ACSS2: variants seen among roughly 807,000 people sequenced by gnomAD.
The protein encoded by ACSS2 is acetyl-coenzyme A synthetase, cytoplasmic.
ACSS2 carries 58 observed loss-of-function variants against 90.6 expected under a neutral mutation model. The observed-to-expected ratio is 0.64, with a 90% CI of 0.52 to 0.80. The LOEUF (loss-of-function observed/expected upper bound fraction) is 0.80, where lower values mean the gene tolerates loss of function less well. ACSS2 is among the 30% of genes least tolerant of loss of function. The pLI is 0.00. For synonymous variants in ACSS2, 300 were observed against 330.9 expected (o/e 0.91, Z 1.01); for missense variants, 759 against 912.0 (o/e 0.83, Z 2.16).
intron 2 of ACSS2, among the ~76,000 whole-genome samples, chr20:34,904,904 C>A (rs1357268720): frequency 8.0e-5 from 10 of 125,090 alleles, no homozygotes; most frequent in Non-Finnish European, 1.6e-5. Context: ...AGTGTTTAAA[C>A]CTTTTTTTTT....
At position 34,876,703 on chromosome 20, in the gene ACSS2, G is replaced by A. The variant is rs921573601; in HGVS notation, c.58G>A (p.Ala20Thr). 41 of 1,442,320 alleles carry A rather than the reference G, an allele frequency of 2.8e-5. No individual in the cohort carries two copies. Among genetic ancestry groups the A allele is most frequent in the Non-Finnish European group, 3.5e-5 (38 of 1,090,166 alleles). 89.3% of individuals were successfully genotyped at this position (1,442,320 alleles called of 1,614,324 possible). ...CAGCGGGAGCCGGGGCCAGGAGGAA[G>A]CTGGAGCCGGAGGCCGGGCGCGGAG... is the stretch of plus-strand genomic sequence containing the variant. The part of the protein sequence containing the change: ...SGSGSRGQEE[A>T]GAGGRARSWS... Residue 20 changes from alanine to threonine, a missense_variant, in exon 1 of 18, where the codon GCT (alanine) becomes ACT (threonine). By Grantham distance (58) the Ala-to-Thr change is moderately conservative (BLOSUM62 0). Transcript: ENST00000360596.
chr20:34,907,877 C>T (rs552963181), intron 2 of ACSS2, among the ~76,000 whole-genome samples: 38 of 152,316 alleles, frequency 2.5e-4, no homozygotes, highest in African/African-American at 8.7e-4. Flanking sequence ...CCTACTGACT[C>T]ATCGAGCCAG....
At chr20:34,914,047 A>G (rs1432705638) in intron 5 of ACSS2, 49 bp from the exon 6 acceptor site, 2 of 1,595,582 alleles carry the variant, frequency 1.3e-6, no homozygotes, top group Non-Finnish European at 1.7e-6. Flanking sequence ...TGTGCCCACT[A>G]GGCAGCATGG....
chr20:34,917,936 A>G (rs2081110361), intron 7 of ACSS2, among the ~76,000 whole-genome samples: 2 of 152,070 alleles, frequency 1.3e-5, no homozygotes, highest in Admixed American at 6.6e-5. Context: ...TATTTTTAGT[A>G]GAGATGAGGT....
chr20:34,926,866 GT>G lies in ACSS2; in HGVS notation c.1904-9del. On this transcript the variant is annotated splice_polypyrimidine_tract_variant and intron_variant, in intron 16 of 17. Transcript: ENST00000360596. ...GTGCTGAAGAAATGCTTGATGATTT[GT>G]TGGTTACAGTTAGAGAAAAGATTGG... is the stretch of plus-strand genomic sequence containing the variant. The G allele has an allele frequency of 6.2e-7, 1 of 1,614,068 alleles. No individual in the cohort carries two copies. The highest frequency in any genetic ancestry group is 8.5e-7 in the Non-Finnish European group (1 of 1,179,946).
Position 34,913,528 on chromosome 20 carries a change from C to CG in ACSS2, c.570+39dup, listed in dbSNP as rs753929913. 139 of 1,144,052 alleles carry CG rather than the reference C, an allele frequency of 1.2e-4. 1 individual carries two copies. Among genetic ancestry groups the CG allele is most frequent in the Middle Eastern group, 4.1e-4 (2 of 4,934 alleles). The allele number at this position is 1,144,052 out of a possible 1,614,324, so 70.9% of individuals were successfully genotyped here. A position where few individuals can be genotyped will look rare whatever the true frequency, so the allele number is the denominator to read the frequency against. On this transcript the variant is annotated intron_variant, in intron 4 of 17. Coordinates refer to ENST00000360596, the MANE Select transcript of ACSS2 (RefSeq NM_018677.4). ...GTTTGGGCTGGTGAAAAGGGGCAGG[C>CG]GGGGGGGTGGGGCTCTGGAGAAGTA... is the stretch of plus-strand genomic sequence containing the variant.
chr20:34,897,047 A>C (rs1419941346), intron 2 of ACSS2, among the ~76,000 whole-genome samples: 1 of 151,708 alleles, frequency 6.6e-6, no homozygotes, highest in Non-Finnish European at 1.5e-5. Context: ...AAAAAAAAAA[A>C]TAGAAAGAGG....
intron 2 of ACSS2, among the ~76,000 whole-genome samples, chr20:34,908,235 C>T (rs993011109): frequency 6.6e-6 from 1 of 152,150 alleles, no homozygotes; most frequent in African/African-American, 2.4e-5. Flanking sequence ...CCTGAACTTG[C>T]CAAGGGAAAC....
In ACSS2 at chr20:34,914,099, C is replaced by G; in HGVS notation, c.647C>G (p.Ala216Gly). The change falls in exon 6 of 18, where the codon GCC becomes GGC. Residue 216 changes from alanine to glycine, a missense_variant. By Grantham distance (60) the Ala-to-Gly change is moderately conservative. Transcript: ENST00000360596. ...SSCSLLITTD[A>G]FYRGEKLVNL... ...GAATGTCTGTTGCTCCCCAAAGATGCCTTCTACAGGGGGGAAAAGCTTGTG... is the reference window on the plus strand; with the variant it reads ...GAATGTCTGTTGCTCCCCAAAGATGGCTTCTACAGGGGGGAAAAGCTTGTG... 6.2e-7 allele frequency: 1 copy of G among 1,614,088 alleles called. No individual in the cohort carries two copies. Among genetic ancestry groups the G allele is most frequent in the Non-Finnish European group, 8.5e-7 (1 of 1,179,986 alleles).
chr20:34,895,047 G>A (rs1008562660), intron 2 of ACSS2, among the ~76,000 whole-genome samples: 5 of 151,996 alleles, frequency 3.3e-5, no homozygotes, highest in Admixed American at 6.6e-5. Flanking sequence ...GATGTTGGGG[G>A]GAGGGACAAA....
At chr20:34,887,753 A>G (rs1023150702) in intron 2 of ACSS2, among the ~76,000 whole-genome samples, 1 of 151,484 alleles carries the variant, frequency 6.6e-6, no homozygotes, top group Non-Finnish European at 1.5e-5. Context: ...AAAACAAAAT[A>G]AAACAAAACA....
intron 2 of ACSS2, among the ~76,000 whole-genome samples, chr20:34,902,073 A>C (rs2080674704): frequency 1.3e-5 from 2 of 148,300 alleles, no homozygotes; most frequent in Non-Finnish European, 3.0e-5. Context: ...TAGATTTTCC[A>C]TTTATAGTTA....
intron 2 of ACSS2, among the ~76,000 whole-genome samples, chr20:34,911,860 G>A (rs993702887): frequency 2.6e-5 from 4 of 151,454 alleles, no homozygotes; most frequent in Admixed American, 6.6e-5. Context: ...TTACTCTGTC[G>A]CCCAGGCTGG....
intron 7 of ACSS2, 31 bp from the exon 8 acceptor site, chr20:34,919,404 G>C: frequency 6.2e-7 from 1 of 1,613,032 alleles, no homozygotes; most frequent in Non-Finnish European, 8.5e-7. Flanking sequence ...ATCTTGAGCT[G>C]TTCACAGTTC....
intron 2 of ACSS2, among the ~76,000 whole-genome samples, chr20:34,902,345 TAAC>T (rs1389078989): frequency 3.9e-5 from 6 of 151,940 alleles, no homozygotes; most frequent in South Asian, 4.1e-4. Flanking sequence ...AGTAAACAAA[TAAC>T]AAAAGAAGTA....
chr20:34,912,716 A>G (rs1054971311), intron 2 of ACSS2, among the ~76,000 whole-genome samples: 2 of 152,248 alleles, frequency 1.3e-5, no homozygotes, highest in Non-Finnish European at 1.5e-5. Flanking sequence ...TGATTTAGGC[A>G]CAAGTGATCT....
intron 14 of ACSS2, among the ~76,000 whole-genome samples, chr20:34,925,464 A>G (rs535386465): frequency 2.0e-5 from 3 of 152,146 alleles, no homozygotes; most frequent in Non-Finnish European, 4.4e-5. Context: ...CTTCTGCCAA[A>G]TCCTATGATG....
At chr20:34,880,164 C>A (rs985133605) in intron 1 of ACSS2, among the ~76,000 whole-genome samples, 4 of 151,896 alleles carry the variant, frequency 2.6e-5, no homozygotes, top group Non-Finnish European at 4.4e-5. Flanking sequence ...TTGCTATAAA[C>A]ATCTCTTTAC....
rs562354751 is a variant in ACSS2, at chr20:34,918,981, G to C, written c.835-454G>C. Reference sequence around the variant, plus strand: ...CCTCCTTCATAGATGTCGCTATCTAGATGGGGAGACAGTAATCAAGTAGAC... The same window carrying C: ...CCTCCTTCATAGATGTCGCTATCTACATGGGGAGACAGTAATCAAGTAGAC... On this transcript the variant is annotated intron_variant, in intron 7 of 17. Transcript: ENST00000360596. Among the ~76,000 whole-genome samples the C allele has an allele frequency of 2.6e-5, 4 of 152,344 alleles. No individual in the cohort carries two copies. In the East Asian group the frequency reaches 7.7e-4, roughly 29 times the overall value.
Sources: gnomAD v4.1 joint callset for allele counts (sites outside exome capture counted in the v4.1 genomes callset) on GRCh38, gnomAD v4.1.1 for gene constraint, MANE v1.5 for transcripts, NCBI Gene and HGNC (gene_info 2026-07-23, HGNC 2026-07-21) for gene names.